The following ENTPD3 variants were observed in gnomAD, a reference collection of about 807,000 sequenced individuals.
ENTPD3 encodes the protein ectonucleoside triphosphate diphosphohydrolase 3, also known as CD39 antigen-like 3.
ENTPD3 carries 60 observed loss-of-function variants against 51.2 expected under a neutral mutation model. The observed-to-expected ratio is 1.17, with a 90% CI of 0.95 to 1.45. The LOEUF is 1.45. ENTPD3 is among the 40% of genes most tolerant of loss of function. The pLI is 0.00. For missense variants in ENTPD3, 593 were observed against 641.1 expected, an observed-to-expected ratio of 0.93 and a Z score of 0.81; for synonymous variants, 221 against 238.4, an observed-to-expected ratio of 0.93 and a Z score of 0.67.
intron 3 of ENTPD3, among the ~76,000 whole-genome samples, chr3:40,397,677 C>T (rs1479159071): frequency 1.3e-5 from 2 of 152,136 alleles, no homozygotes; most frequent in South Asian, 2.1e-4. Context: ...CTTCTGCTTT[C>T]GCTATTGCTT....
At chr3:40,423,677 T>C in intron 9 of ENTPD3, 149 bp from the exon 10 acceptor site, 1 of 915,758 alleles carries the variant, frequency 1.1e-6, no homozygotes, top group Non-Finnish European at 1.6e-6. Context: ...TTCATAATTA[T>C]ATTGTGTGAT....
At chr3:40,416,935 G>A (rs1955761443) in intron 7 of ENTPD3, among the ~76,000 whole-genome samples, 1 of 152,066 alleles carries the variant, frequency 6.6e-6, no homozygotes, top group African/African-American at 2.4e-5. Flanking sequence ...TCTGATAACT[G>A]AAGACAGGAA....
At chr3:40,392,864 A>C (rs1955097209) in intron 3 of ENTPD3, among the ~76,000 whole-genome samples, 1 of 152,116 alleles carries the variant, frequency 6.6e-6, no homozygotes, top group Non-Finnish European at 1.5e-5. Flanking sequence ...CTTCTAGCCT[A>C]GGCTGAGTGA....
chr3:40,392,791 A>G (rs1032963296), intron 3 of ENTPD3, among the ~76,000 whole-genome samples: 3 of 152,024 alleles, frequency 2.0e-5, no homozygotes, highest in African/African-American at 7.3e-5. Context: ...CTCCATCTCT[A>G]CCAAAAAGAA....
intron 4 of ENTPD3, among the ~76,000 whole-genome samples, chr3:40,411,356 A>G (rs1955628352): frequency 6.6e-6 from 1 of 152,114 alleles, no homozygotes. Flanking sequence ...AGGTATAATA[A>G]TTCAACTGTA....
In ENTPD3 at chr3:40,392,060, C is replaced by T. The variant is rs1258661223; in HGVS notation, c.78C>T (p.Ala26=). The T allele has an allele frequency of 6.2e-7, 1 of 1,614,050 alleles. No homozygotes were observed. The highest frequency in any genetic ancestry group is 2.2e-5 in the East Asian group (1 of 44,886). Residue 26 remains alanine, a synonymous_variant, in exon 3 of 11, where the codon GCC becomes GCT. Transcript: ENST00000301825. ...KALYRTPTII[A]LVVLLVSIVV... ...TCTACCGAACTCCAACCATCATTGC[C>T]TTGGTGGTCTTGCTTGTGAGTATTG...
intron 2 of ENTPD3, 50 bp from the exon 3 acceptor site, chr3:40,391,973 G>A (rs1485992658): frequency 6.2e-7 from 1 of 1,608,004 alleles, no homozygotes; most frequent in Admixed American, 1.7e-5. Context: ...GAATACCAGT[G>A]CCTGGTTTTT....
rs751872144 is a variant in ENTPD3 at position 40,423,124 on chromosome 3, T to C, written c.1104+2T>C. 2 of 1,608,998 alleles carry C rather than the reference T, an allele frequency of 1.2e-6. No individual in the cohort carries two copies. Among genetic ancestry groups the C allele is most frequent in the East Asian group, 4.5e-5 (2 of 44,818 alleles). On this transcript the variant is annotated splice_donor_variant, in intron 8 of 10. Transcript: ENST00000301825. LOFTEE classifies it high-confidence loss of function. ...CCAAAGATTAAAGGGCCATTTGTGG[T>C]AAGAGCAAAACCTTCTGAAAGATTC...
chr3:40,425,499 A>ATGGGGCCGGGCGCGG (rs1955963924), intron 10 of ENTPD3, among the ~76,000 whole-genome samples: 1 of 152,220 alleles, frequency 6.6e-6, no homozygotes, highest in Non-Finnish European at 1.5e-5. Context: ...AAGACTTACA[A>ATGGGGCCGGGCGCGG]TGAAAATATT....
intron 5 of ENTPD3, among the ~76,000 whole-genome samples, chr3:40,412,251 C>T (rs1348367026): frequency 6.6e-6 from 1 of 152,244 alleles, no homozygotes; most frequent in South Asian, 2.1e-4. Context: ...AACTCTAGTT[C>T]TTTGAAAAGT....
intron 6 of ENTPD3, 69 bp downstream of exon 6, chr3:40,414,909 G>A: frequency 6.6e-7 from 1 of 1,518,954 alleles, no homozygotes; most frequent in South Asian, 1.2e-5. Context: ...GATAGCCTAA[G>A]TAGAGGTACA....
At chr3:40,392,257 T>A (rs1955076096) in intron 3 of ENTPD3, 107 bp downstream of exon 3, 2 of 1,357,182 alleles carry the variant, frequency 1.5e-6, no homozygotes, top group Non-Finnish European at 2.0e-6. Context: ...TTTCCCCCCA[T>A]CTCTGGCTGA....
intron 4 of ENTPD3, among the ~76,000 whole-genome samples, chr3:40,410,247 C>G (rs1232776599): frequency 2.0e-5 from 3 of 152,068 alleles, no homozygotes; most frequent in Non-Finnish European, 4.4e-5. Flanking sequence ...TCGAGACCAG[C>G]CTGGCCAACA....
intron 2 of ENTPD3, 110 bp from the exon 3 acceptor site, chr3:40,391,913 G>A: frequency 8.7e-6 from 11 of 1,262,444 alleles, no homozygotes; most frequent in Middle Eastern, 2.7e-4. Context: ...TAACACCAGA[G>A]AAGGTGGTTT....
At chr3:40,389,138 C>T (rs983913070) in intron 2 of ENTPD3, among the ~76,000 whole-genome samples, 4 of 152,204 alleles carry the variant, frequency 2.6e-5, no homozygotes, top group Admixed American at 1.3e-4. Flanking sequence ...GAAATGTTAA[C>T]ACAGATTGTA....
intron 3 of ENTPD3, chr3:40,394,220 T>G (rs1173246799): frequency 9.7e-6 from 2 of 205,526 alleles, no homozygotes; most frequent in East Asian, 1.7e-4. Context: ...GTTCAAGTGA[T>G]TCTACTGCCT....
chr3:40,417,327 G>C (rs189053381), intron 7 of ENTPD3, among the ~76,000 whole-genome samples: 1 of 152,290 alleles, frequency 6.6e-6, no homozygotes, highest in Admixed American at 6.5e-5. Context: ...GAGCTGTACA[G>C]GTTTCTGCTT....
chr3:40,390,220 T>G (rs1955021606), intron 2 of ENTPD3, among the ~76,000 whole-genome samples: 2 of 152,172 alleles, frequency 1.3e-5, no homozygotes, highest in Non-Finnish European at 2.9e-5. Context: ...TATTATTTTT[T>G]TAGAGACAAG....
intron 3 of ENTPD3, among the ~76,000 whole-genome samples, chr3:40,399,905 A>G (rs559397029): frequency 7.2e-5 from 11 of 152,178 alleles, no homozygotes; most frequent in African/African-American, 2.6e-4. Context: ...TGTCAATATT[A>G]TTTTTTTATT....
Sources: gnomAD v4.1 joint callset for allele counts (sites outside exome capture counted in the v4.1 genomes callset) on GRCh38, gnomAD v4.1.1 for gene constraint, MANE v1.5 for transcripts, NCBI Gene and HGNC (gene_info 2026-07-23, HGNC 2026-07-21) for gene names.